The following MGRN1 variants were observed in gnomAD, a reference collection of about 807,000 sequenced individuals.
MGRN1 encodes the protein E3 ubiquitin-protein ligase MGRN1.
Under a neutral mutation model 69.2 loss-of-function variants are expected in MGRN1, and 29 were observed. The ratio of observed to expected loss-of-function variants is 0.42; its 90% CI spans 0.31 to 0.57. The LOEUF (loss-of-function observed/expected upper bound fraction) is 0.57. MGRN1 is among the 20% of genes least tolerant of loss of function. The pLI is 0.15. For synonymous variants in MGRN1, 470 were observed against 344.2 expected (o/e 1.37, Z -4.04); for missense variants, 998 against 796.2 (o/e 1.25, Z -3.05).
intron 10 of MGRN1, chr16:4,676,787 G>C (rs975959669): frequency 1.3e-5 from 2 of 152,354 alleles, no homozygotes; most frequent in Non-Finnish European, 2.9e-5. Flanking sequence ...GGGCATCCTA[G>C]GTCCTGGTTT....
Position 4,673,545 on chromosome 16 carries a change from C to T in MGRN1, c.843C>T (p.Cys281=), listed in dbSNP as rs1043275256. 9.3e-6 allele frequency: 15 copies of T among 1,613,588 alleles called. No individual in the cohort carries two copies. The highest frequency in any genetic ancestry group is 1.3e-5 in the African/African-American group (1 of 74,942). Residue 281 remains cysteine, a synonymous_variant, in exon 10 of 17, where the codon TGC becomes TGT. Coordinates refer to ENST00000262370, the MANE Select transcript of MGRN1 (RefSeq NM_015246.4). ...ACAACAGCAACGAGTGTGTGGTGTG[C>T]CTGTCCGACCTGCGGGACACGCTGA... ...NSDNSNECVV[C]LSDLRDTLIL...
At chr16:4,682,503 C>T (rs950798609) in intron 13 of MGRN1, among the ~76,000 whole-genome samples, 7 of 152,334 alleles carry the variant, frequency 4.6e-5, no homozygotes, top group African/African-American at 1.2e-4. Context: ...CTCAGAGAAA[C>T]GGGGGCCTCT....
At chr16:4,680,884 C>T (rs920408170) in intron 12 of MGRN1, among the ~76,000 whole-genome samples, 3 of 152,184 alleles carry the variant, frequency 2.0e-5, no homozygotes, top group South Asian at 4.1e-4. Flanking sequence ...TCAGGCAGGC[C>T]GGGGTCTCCC....
intron 7 of MGRN1, among the ~76,000 whole-genome samples, chr16:4,666,829 C>T (rs1433932409): frequency 1.3e-5 from 2 of 152,204 alleles, no homozygotes; most frequent in African/African-American, 4.8e-5. Context: ...CAGCACTGTC[C>T]TCTTGGGTGT....
intron 16 of MGRN1, among the ~76,000 whole-genome samples, chr16:4,684,977 T>C (rs1229406200): frequency 6.6e-6 from 1 of 152,224 alleles, no homozygotes; most frequent in Admixed American, 6.5e-5. Flanking sequence ...GGAAAGGGGC[T>C]CTTGTGCCCC....
rs191003638 is a variant in MGRN1, at chr16:4,657,987, C to T, written c.561+624C>T. On this transcript the variant is annotated intron_variant, in intron 5 of 16. Transcript: ENST00000262370. ...TTGATCTCCTGACCTTGTGATCCGC[C>T]GGCCTCGGCCTCCCAAAGTGCTGGG... 2.6e-4 allele frequency among the ~76,000 whole-genome samples: 40 copies of T among 151,348 alleles called. No individual in the cohort carries two copies. The South Asian group carries it at 4.8e-3, about 18-fold the overall frequency.
At chr16:4,682,135 A>C (rs192614072) in intron 13 of MGRN1, among the ~76,000 whole-genome samples, 5 of 152,182 alleles carry the variant, frequency 3.3e-5, no homozygotes, top group Admixed American at 1.3e-4. Flanking sequence ...GGGGCTGGCC[A>C]CGTAGGCCCA....
At chr16:4,663,188 C>T (rs1416947870) in intron 5 of MGRN1, among the ~76,000 whole-genome samples, 1 of 152,154 alleles carries the variant, frequency 6.6e-6, no homozygotes, top group Middle Eastern at 3.4e-3. Flanking sequence ...CTCAGCCTCC[C>T]GAGTAGCTGG....
chr16:4,656,756 T>C (rs1243223966), intron 4 of MGRN1, among the ~76,000 whole-genome samples: 1 of 152,128 alleles, frequency 6.6e-6, no homozygotes, highest in Non-Finnish European at 1.5e-5. Flanking sequence ...GGCGCACACC[T>C]GTAATCCTAG....
Position 4,683,760 on chromosome 16 carries a change from A to C in MGRN1, c.1529-83A>C, listed in dbSNP as rs925529915. On this transcript the variant is annotated intron_variant, in intron 15 of 16. Coordinates refer to ENST00000262370, the MANE Select transcript of MGRN1 (RefSeq NM_015246.4). ...CACAGTGGCTACAGAGCCCTTGGGT[A>C]AGAGAGACGGCCTCCTGCCCAGAGG... The C allele has an allele frequency of 7.2e-6, 9 of 1,241,580 alleles. No homozygotes were observed. In the African/African-American group the frequency reaches 1.0e-4, roughly 14 times the overall value. The allele number at this position is 1,241,580 out of a possible 1,614,324, so 76.9% of individuals were successfully genotyped here.
intron 8 of MGRN1, among the ~76,000 whole-genome samples, chr16:4,669,679 CCTT>C (rs1203287091): frequency 2.0e-5 from 3 of 152,152 alleles, no homozygotes; most frequent in Non-Finnish European, 4.4e-5. Context: ...GTCTGCAACT[CCTT>C]CTCCTCTTCC....
chr16:4,664,809 C>T (rs567530660), intron 6 of MGRN1, 34 bp downstream of exon 6: 2 of 1,610,276 alleles, frequency 1.2e-6, no homozygotes, highest in Admixed American at 1.7e-5. Flanking sequence ...CCTGGGCGTG[C>T]AGGCCGTGCA....
chr16:4,667,790 C>G (rs1055538464), intron 7 of MGRN1, among the ~76,000 whole-genome samples: 2 of 152,224 alleles, frequency 1.3e-5, no homozygotes, highest in Non-Finnish European at 2.9e-5. Context: ...GTTTTTAGAG[C>G]TTTGCGGTTC....
chr16:4,684,060 T>C, intron 16 of MGRN1, 128 bp downstream of exon 16: 1 of 827,494 alleles, frequency 1.2e-6, no homozygotes, highest in Non-Finnish European at 1.9e-6. Context: ...TCTCCCTGGC[T>C]CTCAGCCATG....
chr16:4,682,312 C>G (rs777107627), intron 13 of MGRN1, among the ~76,000 whole-genome samples: 6 of 152,228 alleles, frequency 3.9e-5, no homozygotes, highest in African/African-American at 7.2e-5. Context: ...GGGCCTGGCT[C>G]CTGGGGTTGG....
At chr16:4,635,744 C>T (rs530422959) in intron 1 of MGRN1, among the ~76,000 whole-genome samples, 1 of 152,114 alleles carries the variant, frequency 6.6e-6, no homozygotes, top group South Asian at 2.1e-4. Context: ...AAGCGACTCT[C>T]CCGCCAAAGC....
At chr16:4,654,729 G>T (rs145884808) in intron 4 of MGRN1, among the ~76,000 whole-genome samples, 2 of 152,222 alleles carry the variant, frequency 1.3e-5, no homozygotes, top group Non-Finnish European at 2.9e-5. Context: ...ACAGCCCCTC[G>T]CGTGACAGGT....
At chr16:4,675,053 A>T in intron 10 of MGRN1, among the ~76,000 whole-genome samples, 1 of 151,838 alleles carries the variant, frequency 6.6e-6, no homozygotes, top group East Asian at 1.9e-4. Flanking sequence ...GCTCACTGTA[A>T]CCTCTGCCTC....
At position 4,688,744 on chromosome 16, in the gene MGRN1, C is replaced by T. The variant is rs192853940; in HGVS notation, c.1619-52C>T. On this transcript the variant is annotated intron_variant, in intron 16 of 16. Coordinates refer to ENST00000262370, the MANE Select transcript of MGRN1 (RefSeq NM_015246.4). ...GCTCCAGATCGGTAGGAGCGGGTGG[C>T]GTGGCACCAGGCATCCGAGTGTGAC... The T allele has an allele frequency of 6.4e-3, 9,642 of 1,505,358 alleles. 56 individuals are homozygous for T. The highest frequency in any genetic ancestry group is 6.9e-3 in the Non-Finnish European group (7,679 of 1,116,102). The allele number at this position is 1,505,358 out of a possible 1,614,324, so 93.3% of individuals were successfully genotyped here.
Sources: allele counts gnomAD v4.1 joint callset (sites outside exome capture counted in the v4.1 genomes callset), GRCh38; gene constraint gnomAD v4.1.1; transcripts MANE v1.5; gene names NCBI Gene and HGNC (gene_info 2026-07-23, HGNC 2026-07-21).